Variants in MTM1 observed in about 807,000 individuals in gnomAD.
The protein encoded by MTM1 is myotubularin 1.
In MTM1, 9 loss-of-function variants were observed where a neutral mutation model predicts 52.1. The ratio of observed to expected loss-of-function variants is 0.17; its 90% confidence interval spans 0.10 to 0.30. MTM1 has a LOEUF of 0.30. Among genes scored for constraint, MTM1 ranks in the 10% least tolerant of loss-of-function variants. The pLI, the probability that MTM1 is intolerant of heterozygous loss-of-function variation, is 1.00. For synonymous variants in MTM1, 136 were observed against 163.8 expected, an observed-to-expected ratio of 0.83 and a Z score of 1.29; for missense variants, 277 against 470.7, an observed-to-expected ratio of 0.59 and a Z score of 3.81.
At chrX:150,657,576 C>T (rs1409568870) in intron 10 of MTM1, among the ~76,000 whole-genome samples, 1 of 109,430 alleles carries the variant, frequency 9.1e-6, no homozygotes, top group Non-Finnish European at 1.9e-5. Flanking sequence ...ATGTAACAAA[C>T]CTGCACGTTG....
intron 4 of MTM1, among the ~76,000 whole-genome samples, chrX:150,608,023 CAG>C (rs1603140465): frequency 9.1e-6 from 1 of 110,266 alleles, no homozygotes; most frequent in African/African-American, 3.3e-5. Context: ...AGATGTGAGT[CAG>C]GGGCTGGGGA....
At chrX:150,610,131 A>G (rs782324030) in intron 4 of MTM1, among the ~76,000 whole-genome samples, 1 of 112,105 alleles carries the variant, frequency 8.9e-6, no homozygotes, top group Non-Finnish European at 1.9e-5. Flanking sequence ...TTTAAGGATC[A>G]TTTTTAATGC....
intron 6 of MTM1, among the ~76,000 whole-genome samples, chrX:150,637,828 G>C (rs1186791889): frequency 4.5e-5 from 5 of 112,335 alleles, no homozygotes; most frequent in Non-Finnish European, 9.4e-5. Context: ...CTTACGTGGA[G>C]CGAGTGAGTC....
intron 2 of MTM1, among the ~76,000 whole-genome samples, chrX:150,594,453 T>C (rs782441140): frequency 1.8e-5 from 2 of 111,835 alleles, no homozygotes; most frequent in Admixed American, 1.9e-4. Flanking sequence ...ATGTTACAAG[T>C]CTTCTTCCTG....
intron 4 of MTM1, among the ~76,000 whole-genome samples, chrX:150,612,066 G>A (rs1236734862): frequency 3.6e-5 from 4 of 110,129 alleles, no homozygotes; most frequent in Non-Finnish European, 7.6e-5. Flanking sequence ...GCGATGGCAT[G>A]TACCTGTAGT....
chrX:150,604,665 T>G (rs985150387), intron 4 of MTM1, among the ~76,000 whole-genome samples: 15 of 111,316 alleles, frequency 1.3e-4, no homozygotes, highest in Non-Finnish European at 2.5e-4. Context: ...CACGTTGCCC[T>G]ACCCTCATCC....
chrX:150,666,798 G>A (rs2040310813), intron 14 of MTM1, among the ~76,000 whole-genome samples: 1 of 111,576 alleles, frequency 9.0e-6, no homozygotes, highest in Admixed American at 9.5e-5. Context: ...ATTTCAGTTC[G>A]TGGTAGCGCC....
At chrX:150,622,228 C>T (rs1318729694) in intron 6 of MTM1, among the ~76,000 whole-genome samples, 1 of 106,966 alleles carries the variant, frequency 9.3e-6, no homozygotes, top group Non-Finnish European at 1.9e-5. Flanking sequence ...CTGAATTGCT[C>T]ATATGAAGTT....
intron 4 of MTM1, among the ~76,000 whole-genome samples, chrX:150,606,940 TCCCTCCCCTCCCCCTCCCCTCC>T (rs782654299): frequency 1.2e-4 from 3 of 24,058 alleles, no homozygotes; most frequent in South Asian, 3.9e-3. Context: ...TCCCTTCCCT[TCCCTCCCCTCCCCCTCCCCTCC>T]CCCTCCCCTC....
chrX:150,664,182 C>T (rs782337815), intron 14 of MTM1, among the ~76,000 whole-genome samples: 112 of 112,780 alleles, frequency 9.9e-4, no homozygotes, highest in African/African-American at 3.3e-3. Context: ...TTTCCATTCT[C>T]CCACCTCCAC....
At chrX:150,566,585 G>C (rs1339271620), upstream of MTM1, among the ~76,000 whole-genome samples, 2 of 110,875 alleles carry the variant, frequency 1.8e-5, no homozygotes, top group African/African-American at 6.6e-5. Flanking sequence ...GGCCCTTTCT[G>C]GTTGAATTGC....
At chrX:150,613,454 A>G (rs1279960817) in intron 4 of MTM1, among the ~76,000 whole-genome samples, 1 of 111,562 alleles carries the variant, frequency 9.0e-6, no homozygotes, top group Non-Finnish European at 1.9e-5. Flanking sequence ...AATTTTTTCT[A>G]CCCTGTTATC....
At chrX:150,630,369 C>G (rs1288967852) in intron 6 of MTM1, among the ~76,000 whole-genome samples, 1 of 112,112 alleles carries the variant, frequency 8.9e-6, no homozygotes, top group Non-Finnish European at 1.9e-5. Context: ...GCTGGGATTA[C>G]AGGCATGAGG....
intron 5 of MTM1, among the ~76,000 whole-genome samples, chrX:150,618,602 C>T (rs1289317393): frequency 3.6e-5 from 4 of 110,972 alleles, no homozygotes; most frequent in Admixed American, 2.9e-4. Flanking sequence ...TGCAGTGAGC[C>T]GAGATCATGC....
At chrX:150,573,838 G>A (rs782757540) in intron 1 of MTM1, among the ~76,000 whole-genome samples, 1 of 112,321 alleles carries the variant, frequency 8.9e-6, no homozygotes, top group African/African-American at 3.2e-5. Flanking sequence ...GTACCTGCCT[G>A]CACAGCAGTG....
intron 14 of MTM1, among the ~76,000 whole-genome samples, chrX:150,669,129 G>A (rs1458776318): frequency 9.0e-6 from 1 of 111,253 alleles, no homozygotes; most frequent in Non-Finnish European, 1.9e-5. Flanking sequence ...AACATGCAGT[G>A]TTTGGTTTTC....
chrX:150,646,476 G>A lies in MTM1; in HGVS notation c.867+605G>A, dbSNP rs1440879487. On this transcript the variant is annotated intron_variant, in intron 9 of 14. Coordinates refer to ENST00000370396, the MANE Select transcript of MTM1 (RefSeq NM_000252.3). ...TTGATTAGGGTCATCATGAACATCA[G>A]TGACTGCATAGTGTTGCCTTCAGAA... Among the ~76,000 whole-genome samples, 2 of 112,937 alleles carry A rather than the reference G, an allele frequency of 1.8e-5. 1 individual carries two copies. Among genetic ancestry groups the A allele is most frequent in the Admixed American group, 1.9e-4 (2 of 10,740 alleles).
At chrX:150,650,039 T>C (rs948520425) in intron 10 of MTM1, 138 bp downstream of exon 10, 1 of 481,246 alleles carries the variant, frequency 2.1e-6, no homozygotes, top group African/African-American at 2.4e-5. Context: ...TTTAACAGTT[T>C]TATGTTGCTT....
At chrX:150,610,851 A>T (rs1348986340) in intron 4 of MTM1, among the ~76,000 whole-genome samples, 2 of 111,760 alleles carry the variant, frequency 1.8e-5, no homozygotes, top group African/African-American at 6.5e-5. Flanking sequence ...CACTTTTTTC[A>T]AACATCCTTG....
Sources: gnomAD v4.1 joint callset for allele counts (sites outside exome capture counted in the v4.1 genomes callset) on GRCh38, gnomAD v4.1.1 for gene constraint, MANE v1.5 for transcripts, NCBI Gene and HGNC (gene_info 2026-07-23, HGNC 2026-07-21) for gene names.